FHL1: variants seen among roughly 807,000 people sequenced by gnomAD.
FHL1 encodes the protein four and a half LIM domains protein 1.
A neutral mutation model predicts 20.3 loss-of-function variants in FHL1; 1 was observed. That is an observed-to-expected ratio of 0.05 (90% CI 0.02 to 0.23). The LOEUF is 0.23. Ranked by LOEUF, FHL1 falls within the 10% of genes least tolerant of loss-of-function variation. The probability of loss-of-function intolerance (pLI) is 1.00; values close to 1 mark genes in which losing one functional copy is unlikely to be tolerated. For synonymous variants in FHL1, 82 were observed against 88.9 expected (o/e 0.92, Z 0.44); for missense variants, 177 against 234.0 (o/e 0.76, Z 1.59).
chrX:136,197,036 A>T (rs1188070874), upstream of FHL1: 14 of 1,131,822 alleles, frequency 1.2e-5, no homozygotes, highest in Non-Finnish European at 1.4e-5. Context: ...GTATGTTCAC[A>T]AATGAGCCAC....
intron 2 of FHL1, among the ~76,000 whole-genome samples, chrX:136,177,592 G>A (rs1457831799): frequency 1.8e-5 from 2 of 112,016 alleles, no homozygotes; most frequent in African/African-American, 6.5e-5. Context: ...GCTCACATGT[G>A]AATTTTCTTT....
intron 2 of FHL1, among the ~76,000 whole-genome samples, chrX:136,185,770 C>G (rs998692983): frequency 1.8e-5 from 2 of 112,206 alleles, no homozygotes; most frequent in Non-Finnish European, 3.8e-5. Context: ...AACTCTGATG[C>G]AGACAGAGTT....
Position 136,209,071 on chromosome X carries a change from T to C in FHL1, c.736+430T>C, listed in dbSNP as rs1449342911. ...AGAGATGCCTGTTGGCAGGGTTTCT[T>C]TTTTTTTTGGTTTGCTGTTTATTTG... On this transcript the variant is annotated intron_variant, in intron 5 of 5. Transcript: ENST00000370683. 6.7e-6 allele frequency: 3 copies of C among 445,985 alleles called. No individual in the cohort carries two copies. In the Admixed American group the frequency reaches 1.4e-4, roughly 20 times the overall value. The allele number at this position is 445,985 out of a possible 1,213,427, so 36.8% of individuals were successfully genotyped here.
chrX:136,150,925 G>T (rs2072248685), intron 1 of FHL1, among the ~76,000 whole-genome samples: 1 of 112,481 alleles, frequency 8.9e-6, no homozygotes. Flanking sequence ...CCCTTCCTGC[G>T]ACTTAATGCA....
chrX:136,187,492 C>A (rs2073336808), intron 2 of FHL1, among the ~76,000 whole-genome samples: 1 of 112,262 alleles, frequency 8.9e-6, no homozygotes, highest in Non-Finnish European at 1.9e-5. Flanking sequence ...AGTACTGATG[C>A]ATGCTATAGC....
intron 1 of FHL1, among the ~76,000 whole-genome samples, chrX:136,156,228 A>G (rs1245914968): frequency 9.0e-6 from 1 of 111,295 alleles, no homozygotes; most frequent in Non-Finnish European, 1.9e-5. Flanking sequence ...CTTTTTACCC[A>G]CATAAAAACT....
At chrX:136,180,162 CTTTG>C (rs1173781845) in intron 2 of FHL1, among the ~76,000 whole-genome samples, 1 of 112,033 alleles carries the variant, frequency 8.9e-6, no homozygotes, top group Non-Finnish European at 1.9e-5. Flanking sequence ...GGGAGTTTCT[CTTTG>C]TTTGTAACTA....
chrX:136,185,471 A>G (rs2073263925), intron 2 of FHL1, among the ~76,000 whole-genome samples: 1 of 112,255 alleles, frequency 8.9e-6, no homozygotes. Context: ...CTTTATAAAC[A>G]TCAGCCCCTT....
intron 2 of FHL1, among the ~76,000 whole-genome samples, chrX:136,188,999 A>G (rs772538752): frequency 5.4e-5 from 6 of 112,085 alleles, no homozygotes; most frequent in Non-Finnish European, 9.4e-5. Flanking sequence ...AGCTGCATAT[A>G]GGTAGCCTCT....
intron 2 of FHL1, among the ~76,000 whole-genome samples, chrX:136,178,049 A>G (rs779416950): frequency 8.9e-6 from 1 of 112,107 alleles, no homozygotes; most frequent in African/African-American, 3.2e-5. Flanking sequence ...TGATCAGTAC[A>G]GTAAGCATAG....
chrX:136,175,074 T>C (rs1226699157), intron 2 of FHL1, among the ~76,000 whole-genome samples: 8 of 112,288 alleles, frequency 7.1e-5, no homozygotes, highest in African/African-American at 2.6e-4. Flanking sequence ...TTCTATATCA[T>C]GCACAGACCT....
Position 136,210,355 on chromosome X carries a change from T to C in FHL1, c.*330T>C, listed in dbSNP as rs764820771. The stretch of plus-strand genomic sequence containing the variant: ...CACTTAGTGATGTAAGCAAGAAGCA[T>C]AGGAGATAAAACCCCCACTGAGATG... On this transcript the variant is annotated 3_prime_UTR_variant, in exon 6 of 6. Coordinates refer to ENST00000370683, the MANE Select transcript of FHL1 (RefSeq NM_001159699.2). The C allele has an allele frequency of 5.9e-5, 24 of 405,980 alleles. No homozygotes were observed. Among genetic ancestry groups the C allele is most frequent in the Non-Finnish European group, 9.1e-5 (20 of 219,171 alleles). The allele number at this position is 405,980 out of a possible 1,213,427, so 33.5% of individuals were successfully genotyped here.
chrX:136,190,864 C>T (rs1317326446), intron 2 of FHL1, among the ~76,000 whole-genome samples: 1 of 111,719 alleles, frequency 9.0e-6, no homozygotes, highest in East Asian at 2.8e-4. Flanking sequence ...CTCTGGGCCT[C>T]AGCTTTTCCA....
intron 2 of FHL1, chrX:136,182,935 A>G (rs1000369998): frequency 2.0e-4 from 22 of 110,976 alleles, no homozygotes; most frequent in Admixed American, 1.8e-3. Context: ...TGTCTCTACT[A>G]AAAATACAAA....
At position 136,179,895 on chromosome X, in the gene FHL1, C is replaced by T. The variant is rs182428618; in HGVS notation, c.-27+9915C>T. The stretch of plus-strand genomic sequence containing the variant: ...CGCTCCTATTCCTACCACCTAGAGT[C>T]AGCAATTAAACATTTTACTATATTT... On this transcript the variant is annotated intron_variant, in intron 2 of 6. Coordinates refer to the FHL1 transcript ENST00000394153. Among the ~76,000 whole-genome samples the T allele has an allele frequency of 1.5e-4, 17 of 111,829 alleles. No individual in the cohort carries two copies. The East Asian group carries it at 4.2e-3, about 28-fold the overall frequency.
chrX:136,176,669 A>G (rs1281290579), intron 2 of FHL1, among the ~76,000 whole-genome samples: 1 of 111,560 alleles, frequency 9.0e-6, no homozygotes, highest in East Asian at 2.8e-4. Flanking sequence ...TTTGGACTGA[A>G]AGATACTTAA....
upstream of FHL1, among the ~76,000 whole-genome samples, chrX:136,192,639 G>A (rs1005449696): frequency 9.0e-6 from 1 of 111,523 alleles, no homozygotes; most frequent in African/African-American, 3.3e-5. Flanking sequence ...AGACCCTTTG[G>A]GGAGGCTGAA....
intron 1 of FHL1, among the ~76,000 whole-genome samples, chrX:136,156,986 TACAC>T (rs74780878): frequency 0.023 from 2,339 of 102,057 alleles, 20 homozygotes; most frequent in Non-Finnish European, 0.03. Context: ...GACTAAGGAA[TACAC>T]ACACACACAC....
chrX:136,209,056 G>A (rs1053366477), intron 5 of FHL1: 4 of 442,183 alleles, frequency 9.0e-6, no homozygotes, highest in African/African-American at 7.5e-5. Flanking sequence ...AGAGATGCCT[G>A]TTGGCAGGGT....
Sources: gnomAD v4.1 joint callset for allele counts (sites outside exome capture counted in the v4.1 genomes callset) on GRCh38, gnomAD v4.1.1 for gene constraint, MANE v1.5 for transcripts, NCBI Gene and HGNC (gene_info 2026-07-23, HGNC 2026-07-21) for gene names.